The following SLC7A7 variants were observed in gnomAD, a reference collection of about 807,000 sequenced individuals.
SLC7A7 encodes solute carrier family 7 member 7.
A neutral mutation model predicts 47.9 loss-of-function variants in SLC7A7; 39 were observed. The ratio of observed to expected loss-of-function variants is 0.81; its 90% CI spans 0.63 to 1.06. The LOEUF is 1.06. Ranked by LOEUF, SLC7A7 falls within the 50% of genes least tolerant of loss-of-function variation. The pLI, the probability that SLC7A7 is intolerant of heterozygous loss-of-function variation, is 0.00. For missense variants in SLC7A7, 588 were observed against 632.0 expected, an observed-to-expected ratio of 0.93 and a Z score of 0.75; for synonymous variants, 234 against 242.8, an observed-to-expected ratio of 0.96 and a Z score of 0.34.
intron 3 of SLC7A7, 29 bp from the exon 4 acceptor site, chr14:22,778,966 G>A: frequency 6.2e-7 from 1 of 1,612,778 alleles, no homozygotes; most frequent in South Asian, 1.1e-5. Flanking sequence ...GGAAGGCAGG[G>A]GATTAGTGGC....
At chr14:22,800,331 A>G (rs2039090595) in intron 2 of SLC7A7, among the ~76,000 whole-genome samples, 2 of 152,114 alleles carry the variant, frequency 1.3e-5, no homozygotes, top group Non-Finnish European at 2.9e-5. Context: ...AACGTCTCCC[A>G]TCCCATATTC....
intron 7 of SLC7A7, among the ~76,000 whole-genome samples, 161 bp from the exon 8 acceptor site, chr14:22,774,664 C>A (rs2038560726): frequency 6.6e-6 from 1 of 152,138 alleles, no homozygotes; most frequent in Non-Finnish European, 1.5e-5. Context: ...AGTACCTTAT[C>A]CCCTCTCTTA....
At chr14:22,781,654 ACTC>A (rs1285379358) in intron 2 of SLC7A7, among the ~76,000 whole-genome samples, 1 of 151,186 alleles carries the variant, frequency 6.6e-6, no homozygotes, top group Non-Finnish European at 1.5e-5. Context: ...CAAATCTGTC[ACTC>A]CTCCTCAGCC....
intron 2 of SLC7A7, among the ~76,000 whole-genome samples, chr14:22,802,285 C>A (rs746859438): frequency 1.3e-5 from 2 of 152,052 alleles, no homozygotes; most frequent in Non-Finnish European, 1.5e-5. Context: ...CACCTGTAGT[C>A]CCAGCTACTC....
In SLC7A7 at chr14:22,773,464, CA is replaced by C. The variant is rs530836172; in HGVS notation, c.*145del. The stretch of plus-strand genomic sequence containing the variant: ...AAAACAAATAAATTACTTTTCATTT[CA>C]AAAAGTAAGTTCAAAGGTTGAAGCT... On this transcript the variant is annotated 3_prime_UTR_variant, in exon 10 of 10. Transcript: ENST00000674313. 1,111 of 734,652 alleles carry C rather than the reference CA, an allele frequency of 1.5e-3. 8 individuals carry two copies. In the African/African-American group the frequency reaches 0.016, roughly 11 times the overall value. 45.5% of individuals were successfully genotyped at this position (734,652 alleles called of 1,614,324 possible).
At chr14:22,795,725 G>C (rs551176912) in intron 2 of SLC7A7, among the ~76,000 whole-genome samples, 4 of 149,622 alleles carry the variant, frequency 2.7e-5, no homozygotes, top group Non-Finnish European at 5.9e-5. Context: ...TGCCCGCCTC[G>C]GCCTCCCAAA....
At position 22,773,239 on chromosome 14, in the gene SLC7A7, T is replaced by C. The variant is rs1331068394; in HGVS notation, c.*371A>G. On this transcript the variant is annotated 3_prime_UTR_variant, in exon 10 of 10. Transcript: ENST00000674313. The stretch of plus-strand genomic sequence containing the variant: ...ACTCAGACTTTAGGAACATAAACTT[T>C]TATTGTCATCCAGCACCTGTGATAG... The C allele has an allele frequency of 4.9e-6, 2 of 407,634 alleles. No individual in the cohort carries two copies. 25.3% of individuals were successfully genotyped at this position (407,634 alleles called of 1,614,324 possible).
intron 2 of SLC7A7, among the ~76,000 whole-genome samples, chr14:22,802,550 T>C (rs1426361589): frequency 6.6e-6 from 1 of 152,228 alleles, no homozygotes; most frequent in Admixed American, 6.5e-5. Context: ...TCCTTGACAC[T>C]TCCCTCTCCC....
Position 22,810,039 on chromosome 14 carries a change from C to CAAAAAAA in SLC7A7, c.499+2854_499+2860dup, listed in dbSNP as rs34386018. Among the ~76,000 whole-genome samples, 19 of 60,692 alleles carry CAAAAAAA rather than the reference C, an allele frequency of 3.1e-4. 1 individual carries two copies. The highest frequency in any genetic ancestry group is 9.7e-4 in the African/African-American group (13 of 13,450). 39.8% of individuals were successfully genotyped at this position (60,692 alleles called of 152,430 possible). A position where few individuals can be genotyped will look rare whatever the true frequency, so the allele number is the denominator to read the frequency against. On this transcript the variant is annotated intron_variant, in intron 2 of 9. Coordinates refer to ENST00000674313, the MANE Select transcript of SLC7A7 (RefSeq NM_003982.4). Reference sequence around the variant, plus strand: ...GGGCAACAAGAGGGAAACACTGTCTCAAAAAAAAAAAAAAAAAAAAAAAAG... The same window carrying CAAAAAAA: ...GGGCAACAAGAGGGAAACACTGTCTCAAAAAAAAAAAAAAAAAAAAAAAAAAAAAAAG...
intron 2 of SLC7A7, among the ~76,000 whole-genome samples, chr14:22,782,002 G>C (rs568914706): frequency 6.6e-6 from 1 of 152,224 alleles, no homozygotes; most frequent in Non-Finnish European, 1.5e-5. Context: ...GTCCAGGGAT[G>C]TAGGCAGGGA....
At chr14:22,782,959 G>A (rs1310738040) in intron 2 of SLC7A7, among the ~76,000 whole-genome samples, 5 of 148,062 alleles carry the variant, frequency 3.4e-5, no homozygotes, top group Non-Finnish European at 7.4e-5. Flanking sequence ...TTTTTGAGAT[G>A]GAGTCTTGCT....
Position 22,774,440 on chromosome 14 carries a change from A to G in SLC7A7, c.1159T>C (p.Phe387Leu). The G allele has an allele frequency of 6.2e-7, 1 of 1,614,168 alleles. No homozygotes were observed. The highest frequency in any genetic ancestry group is 1.1e-5 in the South Asian group (1 of 91,078). Residue 387 changes from phenylalanine (F) to leucine (L), a missense_variant, in exon 8 of 10, where the codon TTC (phenylalanine) becomes CTC (leucine). Physicochemically the swap from Phe to Leu is conservative, Grantham distance 22. Coordinates refer to ENST00000674313, the MANE Select transcript of SLC7A7 (RefSeq NM_003982.4). ...DIFQLINYYSFSYWFFVGLSI... is the reference protein window; with the variant it reads ...DIFQLINYYSLSYWFFVGLSI... ...AGCCCCACAAAGAACCAGTAGCTGA[A>G]GCTGTAGTAGTTAATGAGCTGGAAG...
chr14:22,790,602 C>G (rs2038907090), intron 2 of SLC7A7, among the ~76,000 whole-genome samples: 1 of 152,144 alleles, frequency 6.6e-6, no homozygotes, highest in Non-Finnish European at 1.5e-5. Flanking sequence ...TGAATCCCAG[C>G]TCTTCTAGCA....
intron 2 of SLC7A7, among the ~76,000 whole-genome samples, chr14:22,792,867 A>AAG (rs113285148): frequency 0.083 from 10,158 of 122,296 alleles, 481 homozygotes; most frequent in African/African-American, 0.12. Flanking sequence ...CAAAGAAAGA[A>AAG]AGAGAGAGAG....
chr14:22,790,633 G>A (rs1007205880), intron 2 of SLC7A7, among the ~76,000 whole-genome samples: 4 of 152,132 alleles, frequency 2.6e-5, no homozygotes, highest in Admixed American at 1.3e-4. Context: ...TTTGAACAAA[G>A]TATACTCTTT....
intron 2 of SLC7A7, among the ~76,000 whole-genome samples, chr14:22,799,283 T>C (rs1221846737): frequency 1.3e-5 from 2 of 151,930 alleles, no homozygotes; most frequent in East Asian, 3.9e-4. Context: ...GGTTTCCACC[T>C]ATCTCTCTAG....
At chr14:22,773,813 T>C (rs955590740) in intron 9 of SLC7A7, 97 bp from the exon 10 acceptor site, 12 of 1,544,064 alleles carry the variant, frequency 7.8e-6, no homozygotes, top group Non-Finnish European at 1.1e-5. Flanking sequence ...GTGATTCCAC[T>C]AAGCCGAAGG....
At chr14:22,793,612 G>A (rs2038963494) in intron 2 of SLC7A7, among the ~76,000 whole-genome samples, 1 of 152,056 alleles carries the variant, frequency 6.6e-6, no homozygotes, top group Admixed American at 6.6e-5. Flanking sequence ...AGGAGTTCAA[G>A]ACCAGCCTGG....
At chr14:22,791,154 C>T (rs577200322) in intron 2 of SLC7A7, among the ~76,000 whole-genome samples, 8 of 152,248 alleles carry the variant, frequency 5.3e-5, no homozygotes, top group African/African-American at 1.7e-4. Flanking sequence ...TATGTAGTCT[C>T]CAAAATACCC....
Sources: allele counts gnomAD v4.1 joint callset (sites outside exome capture counted in the v4.1 genomes callset), GRCh38; gene constraint gnomAD v4.1.1; transcripts MANE v1.5; gene names NCBI Gene and HGNC (gene_info 2026-07-23, HGNC 2026-07-21).